Variants in NOS1AP observed in about 807,000 individuals in gnomAD.
NOS1AP encodes the protein nitric oxide synthase 1 adaptor protein.
Under a neutral mutation model 56.2 loss-of-function variants are expected in NOS1AP, and 21 were observed. The ratio of observed to expected loss-of-function variants is 0.37; its 90% CI spans 0.26 to 0.54. NOS1AP has a LOEUF of 0.54. Ranked by LOEUF, NOS1AP falls within the 20% of genes least tolerant of loss-of-function variation. NOS1AP has a pLI of 0.84. For missense variants in NOS1AP, 522 were observed against 657.8 expected (o/e 0.79, Z 2.26); for synonymous variants, 270 against 274.6 (o/e 0.98, Z 0.17).
At chr1:162,294,618 C>A (rs1466350486) in intron 3 of NOS1AP, among the ~76,000 whole-genome samples, 1 of 152,076 alleles carries the variant, frequency 6.6e-6, no homozygotes. Context: ...TTTAAAAATA[C>A]CCTAGAGTAA....
chr1:162,310,919 G>T (rs370289943), intron 4 of NOS1AP, among the ~76,000 whole-genome samples: 1 of 151,560 alleles, frequency 6.6e-6, no homozygotes, highest in African/African-American at 2.4e-5. Flanking sequence ...ACCCATCTTC[G>T]CTTGTTTCTT....
At chr1:162,364,858 C>T (rs1292499856) in intron 8 of NOS1AP, 23 of 992,248 alleles carry the variant, frequency 2.3e-5, no homozygotes, top group Non-Finnish European at 2.8e-5. Context: ...TCCTATTTCT[C>T]ACTATGTTTG....
At chr1:162,106,928 T>G (rs1476935464) in intron 1 of NOS1AP, among the ~76,000 whole-genome samples, 1 of 152,230 alleles carries the variant, frequency 6.6e-6, no homozygotes, top group African/African-American at 2.4e-5. Flanking sequence ...AAAGATTTAC[T>G]GGCAAAATAT....
At chr1:162,243,536 A>G (rs1653564008) in intron 2 of NOS1AP, among the ~76,000 whole-genome samples, 1 of 152,148 alleles carries the variant, frequency 6.6e-6, no homozygotes, top group African/African-American at 2.4e-5. Context: ...CTCCTTTCAA[A>G]TCGGTCTGCC....
chr1:162,155,336 ATG>A (rs1264987001), intron 2 of NOS1AP, among the ~76,000 whole-genome samples: 3 of 143,016 alleles, frequency 2.1e-5, no homozygotes, highest in African/African-American at 2.6e-5. Flanking sequence ...GTGTATATGT[ATG>A]TATGTGTGTA....
At chr1:162,161,733 C>T (rs1434296562) in intron 2 of NOS1AP, among the ~76,000 whole-genome samples, 1 of 152,124 alleles carries the variant, frequency 6.6e-6, no homozygotes, top group Non-Finnish European at 1.5e-5. Flanking sequence ...CATGTGCCAC[C>T]ACACCTGGCT....
At chr1:162,243,031 G>T (rs944747008) in intron 2 of NOS1AP, among the ~76,000 whole-genome samples, 1 of 152,148 alleles carries the variant, frequency 6.6e-6, no homozygotes, top group Admixed American at 6.5e-5. Flanking sequence ...CAGTGCAGGA[G>T]CCTGATTAAA....
At chr1:162,359,799 G>A (rs1657833288) in intron 8 of NOS1AP, among the ~76,000 whole-genome samples, 1 of 152,108 alleles carries the variant, frequency 6.6e-6, no homozygotes, top group Admixed American at 6.6e-5. Flanking sequence ...CAAACTGCAA[G>A]GCTTCTGTCT....
At chr1:162,358,918 G>A (rs1023134943) in intron 8 of NOS1AP, among the ~76,000 whole-genome samples, 7 of 152,124 alleles carry the variant, frequency 4.6e-5, no homozygotes, top group East Asian at 3.8e-4. Flanking sequence ...GTGTTGTGGC[G>A]GTGGAAGGAA....
At chr1:162,259,016 G>C (rs1279667982) in intron 2 of NOS1AP, among the ~76,000 whole-genome samples, 1 of 152,082 alleles carries the variant, frequency 6.6e-6, no homozygotes, top group African/African-American at 2.4e-5. Flanking sequence ...ATATGATTCA[G>C]TATCACCAGC....
In NOS1AP at chr1:162,367,094, G is replaced by A; in HGVS notation, c.1148G>A (p.Gly383Glu). The change falls in exon 10 of 10, where the codon GGA (glycine) becomes GAA (glutamate). Residue 383 changes from glycine to glutamate, a missense_variant. This residue lies in a region of NOS1AP where 160 missense variants were observed against 180.3 expected (regional missense o/e 0.89). Transcript: ENST00000361897. The surrounding 1 kb of genome is among the most constrained non-coding windows in gnomAD (Gnocchi z 6.5). ...DSLLEITFRS[G>E]ALPVLCDPTT... ...TTGCTGGAGATCACCTTCCGCTCCG[G>A]AGCCCTGCCCGTGCTCTGTGACCCC... 1 of 1,613,968 alleles carries A rather than the reference G, an allele frequency of 6.2e-7. No individual in the cohort carries two copies. The highest frequency in any genetic ancestry group is 8.5e-7 in the Non-Finnish European group (1 of 1,180,028).
chr1:162,125,130 C>CTTTTTTTTTTTTTTTTTTTTTT lies in NOS1AP; in HGVS notation c.106-29254_106-29253insTTTTTTTTTTTTTTTTTTTTTT, dbSNP rs56264198. ...ATGCCAACATCTATTGTTTCTGACT[C>CTTTTTTTTTTTTTTTTTTTTTT]TTTTTTTTTTTTTTTTTTTTTAAGA... On this transcript the variant is annotated intron_variant, in intron 1 of 9. Coordinates refer to ENST00000361897, the MANE Select transcript of NOS1AP (RefSeq NM_014697.3). Among the ~76,000 whole-genome samples the CTTTTTTTTTTTTTTTTTTTTTT allele has an allele frequency of 5.6e-5, 7 of 124,138 alleles. 1 individual carries two copies. The highest frequency in any genetic ancestry group is 1.6e-4 in the Admixed American group (2 of 12,298). 81.4% of individuals were successfully genotyped at this position (124,138 alleles called of 152,430 possible).
At chr1:162,122,789 G>A (rs974130432) in intron 1 of NOS1AP, among the ~76,000 whole-genome samples, 6 of 152,150 alleles carry the variant, frequency 3.9e-5, no homozygotes, top group South Asian at 2.1e-4. Flanking sequence ...ACAGGCATGA[G>A]CCATGGCACC....
At chr1:162,223,059 T>C (rs1330720348) in intron 2 of NOS1AP, among the ~76,000 whole-genome samples, 2 of 152,256 alleles carry the variant, frequency 1.3e-5, no homozygotes, top group African/African-American at 4.8e-5. Flanking sequence ...AAAGACGTTG[T>C]AACATTTTAT....
chr1:162,349,879 A>C (rs1236008637), intron 6 of NOS1AP, among the ~76,000 whole-genome samples: 2 of 152,160 alleles, frequency 1.3e-5, no homozygotes, highest in African/African-American at 4.8e-5. Flanking sequence ...GAGCATTTGG[A>C]ATTAGCATTT....
At chr1:162,124,730 G>T (rs1027067724) in intron 1 of NOS1AP, among the ~76,000 whole-genome samples, 1 of 152,014 alleles carries the variant, frequency 6.6e-6, no homozygotes, top group African/African-American at 2.4e-5. Context: ...GCCATGTTGG[G>T]CAGCCTGGTC....
At chr1:162,260,780 A>AT (rs35222272) in intron 2 of NOS1AP, among the ~76,000 whole-genome samples, 10 of 151,624 alleles carry the variant, frequency 6.6e-5, no homozygotes, top group South Asian at 2.1e-4. Flanking sequence ...AAGGGAGATG[A>AT]TTTTTTTTTA....
At chr1:162,237,601 G>A (rs185204054) in intron 2 of NOS1AP, among the ~76,000 whole-genome samples, 2 of 152,276 alleles carry the variant, frequency 1.3e-5, no homozygotes, top group Admixed American at 6.5e-5. Flanking sequence ...ACCTCTGCCA[G>A]AAATTAACAC....
In NOS1AP at chr1:162,238,340, C is replaced by T. The variant is rs193151443; in HGVS notation, c.178-49004C>T. ...CAGCCTGTGCTACATTAAGCATCAG[C>T]CCTGGTTGGGGATAGAGTCTACAGG... On this transcript the variant is annotated intron_variant, in intron 2 of 9. Coordinates refer to ENST00000361897, the MANE Select transcript of NOS1AP (RefSeq NM_014697.3). Among the ~76,000 whole-genome samples, 95 of 152,222 alleles carry T rather than the reference C, an allele frequency of 6.2e-4. 1 individual carries two copies. In the South Asian group the frequency reaches 0.015, roughly 24 times the overall value.
Sources: allele counts gnomAD v4.1 joint callset (sites outside exome capture counted in the v4.1 genomes callset), GRCh38; gene constraint gnomAD v4.1.1; regional missense constraint gnomAD v4.1.1; non-coding constraint Gnocchi (gnomAD v3.1); transcripts MANE v1.5; gene names NCBI Gene and HGNC (gene_info 2026-07-23, HGNC 2026-07-21).